The following TIAM1 variants were observed in gnomAD, a reference collection of about 807,000 sequenced individuals.
TIAM1 encodes TIAM Rac1 associated GEF 1.
In TIAM1, 65 loss-of-function variants were observed where a neutral mutation model predicts 163.5. That is an observed-to-expected ratio of 0.40 (90% CI 0.33 to 0.49). The LOEUF (loss-of-function observed/expected upper bound fraction) is 0.49, where lower values mean the gene tolerates loss of function less well. Among genes scored for constraint, TIAM1 ranks in the 20% least tolerant of loss-of-function variants. TIAM1 has a pLI of 0.77. For missense variants in TIAM1, 1,789 were observed against 2,044.7 expected (o/e 0.87, Z 2.41); for synonymous variants, 833 against 810.1 (o/e 1.03, Z -0.48).
intron 1 of TIAM1, among the ~76,000 whole-genome samples, chr21:31,510,615 C>A (rs369319365): frequency 6.6e-6 from 1 of 152,052 alleles, no homozygotes; most frequent in African/African-American, 2.4e-5. Flanking sequence ...GAGTTTGAGA[C>A]CAGTCTGGCC....
At chr21:31,299,472 A>G (rs1310472849) in intron 2 of TIAM1, among the ~76,000 whole-genome samples, 1 of 152,184 alleles carries the variant, frequency 6.6e-6, no homozygotes, top group Non-Finnish European at 1.5e-5. Context: ...TTTATAATGG[A>G]GTTTGTCAGC....
chr21:31,368,676 C>T (rs2076539960), intron 2 of TIAM1, among the ~76,000 whole-genome samples: 1 of 152,108 alleles, frequency 6.6e-6, no homozygotes, highest in African/African-American at 2.4e-5. Context: ...CCCCAGTATA[C>T]TTATATTTGT....
At chr21:31,180,824 T>C (rs1039139607) in intron 15 of TIAM1, among the ~76,000 whole-genome samples, 2 of 152,196 alleles carry the variant, frequency 1.3e-5, no homozygotes, top group Non-Finnish European at 2.9e-5. Flanking sequence ...AAAATTTGAT[T>C]GGGATGTGGG....
At chr21:31,472,757 C>T (rs571342825) in intron 1 of TIAM1, among the ~76,000 whole-genome samples, 40 of 152,352 alleles carry the variant, frequency 2.6e-4, no homozygotes, top group African/African-American at 9.4e-4. Flanking sequence ...GCACATTTCA[C>T]ATAGATTTTC....
chr21:31,238,799 T>C (rs986024939), intron 6 of TIAM1, among the ~76,000 whole-genome samples: 1 of 152,232 alleles, frequency 6.6e-6, no homozygotes, highest in Non-Finnish European at 1.5e-5. Flanking sequence ...ACAAATAGTA[T>C]ACTCAGACAA....
intron 2 of TIAM1, among the ~76,000 whole-genome samples, chr21:31,389,709 T>G (rs2076937966): frequency 6.6e-6 from 1 of 152,234 alleles, no homozygotes; most frequent in Non-Finnish European, 1.5e-5. Context: ...AATCTCTTAT[T>G]TTCAACCTCT....
At chr21:31,305,421 A>AT (rs1491394752) in intron 2 of TIAM1, among the ~76,000 whole-genome samples, 10 of 127,988 alleles carry the variant, frequency 7.8e-5, no homozygotes, top group South Asian at 2.6e-4. Context: ...TGAAATAAAA[A>AT]TAAAAAAAAA....
At chr21:31,334,410 C>T (rs537429992) in intron 2 of TIAM1, among the ~76,000 whole-genome samples, 21 of 152,178 alleles carry the variant, frequency 1.4e-4, no homozygotes, top group South Asian at 2.1e-4. Flanking sequence ...GCTCAGCCTC[C>T]GGAATCGATG....
intron 6 of TIAM1, among the ~76,000 whole-genome samples, chr21:31,226,848 A>G (rs1254037860): frequency 1.3e-5 from 2 of 152,074 alleles, no homozygotes; most frequent in African/African-American, 4.8e-5. Context: ...GGAGCTACTA[A>G]CATTATTTTT....
intron 1 of TIAM1, among the ~76,000 whole-genome samples, chr21:31,535,287 A>G (rs2048093772): frequency 6.9e-6 from 1 of 144,254 alleles, no homozygotes; most frequent in Non-Finnish European, 1.5e-5. Flanking sequence ...AGGCTGAGGC[A>G]GAAGAATCGC....
At chr21:31,143,972 G>T in intron 20 of TIAM1, among the ~76,000 whole-genome samples, 1 of 151,904 alleles carries the variant, frequency 6.6e-6, no homozygotes, top group East Asian at 1.9e-4. Context: ...GACCTCAAAC[G>T]ATCTGCCCAC....
chr21:31,250,151 G>GAAAAAAAAAAAA (rs755928120), intron 5 of TIAM1, among the ~76,000 whole-genome samples: 22 of 58,702 alleles, frequency 3.7e-4, no homozygotes, highest in Admixed American at 5.8e-4. Context: ...GTCTCAAACA[G>GAAAAAAAAAAAA]AAAAAAAAAA....
chr21:31,186,134 G>A (rs2085292388), intron 14 of TIAM1, among the ~76,000 whole-genome samples: 1 of 152,118 alleles, frequency 6.6e-6, no homozygotes, highest in African/African-American at 2.4e-5. Flanking sequence ...GAAGAGTTGG[G>A]GTTCCCCAAG....
chr21:31,512,008 G>T (rs890023488), intron 1 of TIAM1, among the ~76,000 whole-genome samples: 4 of 152,192 alleles, frequency 2.6e-5, no homozygotes, highest in Non-Finnish European at 5.9e-5. Flanking sequence ...AAACTCCTGG[G>T]TATGTCACAC....
intron 6 of TIAM1, among the ~76,000 whole-genome samples, chr21:31,237,916 T>C (rs1303961577): frequency 2.0e-5 from 3 of 152,342 alleles, no homozygotes; most frequent in East Asian, 1.9e-4. Context: ...GTAGGTACTG[T>C]CTCTGGCTTC....
chr21:31,289,195 G>T (rs985768727), intron 2 of TIAM1, among the ~76,000 whole-genome samples: 3 of 152,198 alleles, frequency 2.0e-5, no homozygotes, highest in African/African-American at 7.2e-5. Flanking sequence ...GCAATGCCCT[G>T]GTTTATGTGA....
At chr21:31,170,349 G>A (rs2084442069) in intron 15 of TIAM1, among the ~76,000 whole-genome samples, 1 of 152,208 alleles carries the variant, frequency 6.6e-6, no homozygotes, top group African/African-American at 2.4e-5. Context: ...AGAAATTGGT[G>A]AATATACATT....
At chr21:31,392,197 G>A (rs950063134) in intron 2 of TIAM1, among the ~76,000 whole-genome samples, 1 of 152,136 alleles carries the variant, frequency 6.6e-6, no homozygotes, top group Non-Finnish European at 1.5e-5. Flanking sequence ...GTAAGTTGAT[G>A]AGCATCTGTA....
intron 2 of TIAM1, among the ~76,000 whole-genome samples, chr21:31,371,993 T>G (rs1053828258): frequency 1.3e-5 from 2 of 152,162 alleles, no homozygotes; most frequent in African/African-American, 4.8e-5. Flanking sequence ...TCTTGAAATT[T>G]AATTAATTCA....
Sources: gnomAD v4.1 joint callset for allele counts (sites outside exome capture counted in the v4.1 genomes callset) on GRCh38, gnomAD v4.1.1 for gene constraint, MANE v1.5 for transcripts, NCBI Gene and HGNC (gene_info 2026-07-23, HGNC 2026-07-21) for gene names.